Variants in SPATA6 observed in about 807,000 individuals in gnomAD.
The protein encoded by SPATA6 is spermatogenesis associated 6.
A neutral mutation model predicts 65.3 loss-of-function variants in SPATA6; 56 were observed. That is an observed-to-expected ratio of 0.86 (90% CI 0.69 to 1.07). The LOEUF is 1.07. Ranked by LOEUF, SPATA6 falls within the 50% of genes least tolerant of loss-of-function variation. SPATA6 has a pLI of 0.00. For missense variants in SPATA6, 590 were observed against 594.8 expected (o/e 0.99, Z 0.08); for synonymous variants, 199 against 213.2 (o/e 0.93, Z 0.58).
At chr1:48,404,977 CA>C (rs1267181329) in intron 5 of SPATA6, among the ~76,000 whole-genome samples, 9 of 152,292 alleles carry the variant, frequency 5.9e-5, no homozygotes, top group Non-Finnish European at 8.8e-5. Flanking sequence ...CAGTAAAAAT[CA>C]GACATTGACC....
intron 3 of SPATA6, among the ~76,000 whole-genome samples, chr1:48,440,949 G>A (rs1174340183): frequency 6.6e-6 from 1 of 152,172 alleles, no homozygotes; most frequent in African/African-American, 2.4e-5. Context: ...ATGGCCCTCA[G>A]ACAAACAAAC....
chr1:48,438,557 T>A (rs1349159130), intron 3 of SPATA6, among the ~76,000 whole-genome samples: 2 of 152,120 alleles, frequency 1.3e-5, no homozygotes, highest in Non-Finnish European at 2.9e-5. Flanking sequence ...GGAAAGACAT[T>A]CAGCTCCAGG....
intron 9 of SPATA6, among the ~76,000 whole-genome samples, chr1:48,366,594 T>A (rs1204533670): frequency 6.6e-6 from 1 of 152,238 alleles, no homozygotes; most frequent in East Asian, 1.9e-4. Context: ...GAGGTGTTTG[T>A]AGTATTCTCT....
chr1:48,335,777 A>C (rs1646043061), intron 11 of SPATA6, among the ~76,000 whole-genome samples: 1 of 152,200 alleles, frequency 6.6e-6, no homozygotes, highest in African/African-American at 2.4e-5. Context: ...AGCAAAAATG[A>C]CAAATGGCGC....
intron 11 of SPATA6, among the ~76,000 whole-genome samples, chr1:48,354,256 G>A (rs897743968): frequency 1.3e-5 from 2 of 152,032 alleles, no homozygotes; most frequent in Non-Finnish European, 2.9e-5. Flanking sequence ...GAAGTAGGGA[G>A]GATGTGAAAC....
At chr1:48,328,152 T>C (rs2148721885) in intron 11 of SPATA6, among the ~76,000 whole-genome samples, 1 of 152,128 alleles carries the variant, frequency 6.6e-6, no homozygotes, top group Non-Finnish European at 1.5e-5. Flanking sequence ...AGACACCACT[T>C]CATGCACACT....
At chr1:48,264,760 T>A in the SPATA6 span, among the ~76,000 whole-genome samples, 1 of 152,344 alleles carries the variant, frequency 6.6e-6, no homozygotes, top group African/African-American at 2.4e-5. Context: ...CTGTATCCAG[T>A]CTATCGTTGA....
At chr1:48,443,902 A>G (rs1335035843) in intron 3 of SPATA6, among the ~76,000 whole-genome samples, 2 of 152,154 alleles carry the variant, frequency 1.3e-5, no homozygotes, top group African/African-American at 4.8e-5. Flanking sequence ...GGAACCCCAA[A>G]TGAGCTCAAC....
the SPATA6 span, among the ~76,000 whole-genome samples, chr1:48,280,809 G>A: frequency 2.6e-5 from 4 of 152,140 alleles, no homozygotes; most frequent in Non-Finnish European, 5.9e-5. Flanking sequence ...TAGAAAAAGA[G>A]GGAATCCTCC....
chr1:48,264,419 T>C, the SPATA6 span, among the ~76,000 whole-genome samples: 3 of 152,184 alleles, frequency 2.0e-5, no homozygotes, highest in African/African-American at 7.2e-5. Flanking sequence ...GTGCAGAACA[T>C]GCAGGTTTGT....
chr1:48,300,179 T>C (rs1048114723), intron 12 of SPATA6, among the ~76,000 whole-genome samples: 1 of 152,222 alleles, frequency 6.6e-6, no homozygotes, highest in African/African-American at 2.4e-5. Context: ...ATGTTATCAG[T>C]GTTATAATTT....
At chr1:48,442,340 G>A (rs888036194) in intron 3 of SPATA6, among the ~76,000 whole-genome samples, 4 of 152,096 alleles carry the variant, frequency 2.6e-5, no homozygotes, top group Non-Finnish European at 5.9e-5. Context: ...GGAAAGAAAC[G>A]GAGTTCCTAA....
At chr1:48,262,092 G>A in the SPATA6 span, 26 of 152,222 alleles carry the variant, frequency 1.7e-4, no homozygotes, top group African/African-American at 5.3e-4. Flanking sequence ...AGTGAGCTGA[G>A]AGCATAAAGA....
downstream of SPATA6, chr1:48,295,247 A>G (rs1235344553): frequency 6.6e-6 from 1 of 152,326 alleles, no homozygotes; most frequent in Non-Finnish European, 1.5e-5. Context: ...ATGTATACTC[A>G]AGGGAAATAA....
At position 48,451,606 on chromosome 1, in the gene SPATA6, GT is replaced by G. The variant is rs1247480475; in HGVS notation, c.190-7del. ...TCTACTGCGTCCGGGAACACCTATAGTGAGACGATACAGGGAGAGGCAGGAA... is the reference window on the plus strand; with the variant it reads ...TCTACTGCGTCCGGGAACACCTATAGGAGACGATACAGGGAGAGGCAGGAA... On this transcript the variant is annotated splice_polypyrimidine_tract_variant and splice_region_variant and intron_variant, in intron 2 of 12. Coordinates refer to ENST00000371847, the MANE Select transcript of SPATA6 (RefSeq NM_019073.4). The G allele has an allele frequency of 6.2e-7, 1 of 1,610,030 alleles. No homozygotes were observed. The highest frequency in any genetic ancestry group is 1.7e-5 in the Admixed American group (1 of 59,488).
the SPATA6 span, among the ~76,000 whole-genome samples, chr1:48,287,181 C>T: frequency 6.6e-6 from 1 of 152,078 alleles, no homozygotes; most frequent in African/African-American, 2.4e-5. Context: ...TGTCACATGT[C>T]AAAAGCCTGG....
intron 3 of SPATA6, among the ~76,000 whole-genome samples, chr1:48,427,625 A>T (rs1250458099): frequency 6.6e-6 from 1 of 152,206 alleles, no homozygotes; most frequent in African/African-American, 2.4e-5. Context: ...CAAATTTTAA[A>T]AGTTAAGACA....
chr1:48,389,292 CAAT>C (rs1439648451), intron 8 of SPATA6, among the ~76,000 whole-genome samples: 1 of 152,054 alleles, frequency 6.6e-6, no homozygotes, highest in Non-Finnish European at 1.5e-5. Context: ...CTATGGGACA[CAAT>C]AAAGCGACCA....
chr1:48,455,596 G>A (rs768353847), intron 1 of SPATA6, among the ~76,000 whole-genome samples: 10 of 152,028 alleles, frequency 6.6e-5, no homozygotes, highest in East Asian at 1.9e-4. Context: ...TAGCCAGGAC[G>A]GTCTCAATCT....
Sources: gnomAD v4.1 joint callset for allele counts (sites outside exome capture counted in the v4.1 genomes callset) on GRCh38, gnomAD v4.1.1 for gene constraint, MANE v1.5 for transcripts, NCBI Gene and HGNC (gene_info 2026-07-23, HGNC 2026-07-21) for gene names.